The following MTF2 variants were observed in gnomAD, a reference collection of about 807,000 sequenced individuals.
MTF2 encodes the protein metal response element binding transcription factor 2.
MTF2 carries 11 observed loss-of-function variants against 79.5 expected under a neutral mutation model. The ratio of observed to expected loss-of-function variants is 0.14; its 90% CI spans 0.09 to 0.23. The LOEUF (loss-of-function observed/expected upper bound fraction) is 0.23, where lower values mean the gene tolerates loss of function less well. MTF2 is among the 10% of genes least tolerant of loss of function. The probability of loss-of-function intolerance (pLI) is 1.00; values close to 1 mark genes in which losing one functional copy is unlikely to be tolerated. For missense variants in MTF2, 486 were observed against 711.2 expected (o/e 0.68, Z 3.60); for synonymous variants, 208 against 232.8 (o/e 0.89, Z 0.97).
At chr1:93,101,315 C>G (rs1655518172) in intron 1 of MTF2, among the ~76,000 whole-genome samples, 1 of 151,536 alleles carries the variant, frequency 6.6e-6, no homozygotes, top group African/African-American at 2.4e-5. Flanking sequence ...GCCCTCTCTC[C>G]CAATCTTTTT....
intron 1 of MTF2, among the ~76,000 whole-genome samples, chr1:93,089,476 T>G (rs1027646341): frequency 1.3e-5 from 2 of 152,212 alleles, no homozygotes; most frequent in African/African-American, 4.8e-5. Context: ...CTTTCAATTG[T>G]AATTCAAAAT....
At chr1:93,113,036 C>A (rs974984381) in intron 3 of MTF2, among the ~76,000 whole-genome samples, 1 of 152,024 alleles carries the variant, frequency 6.6e-6, no homozygotes, top group South Asian at 2.1e-4. Context: ...CTCTCATGAT[C>A]GGAACCATAA....
rs529598155 is a variant in MTF2 at position 93,096,673 on chromosome 1, A to G, written c.6-13557A>G. Among the ~76,000 whole-genome samples the G allele has an allele frequency of 3.3e-5, 5 of 151,182 alleles. No individual in the cohort carries two copies. The South Asian group carries it at 8.3e-4, about 25-fold the overall frequency. ...ATGTATTTCGAGACGTATCTCTCCAACTACTGCTTTAGCTGCATCCCACAA... is the reference window on the plus strand; with the variant it reads ...ATGTATTTCGAGACGTATCTCTCCAGCTACTGCTTTAGCTGCATCCCACAA... On this transcript the variant is annotated intron_variant, in intron 1 of 14. Transcript: ENST00000370298.
At chr1:93,127,846 A>G (rs1350857777) in intron 10 of MTF2, among the ~76,000 whole-genome samples, 1 of 151,490 alleles carries the variant, frequency 6.6e-6, no homozygotes, top group African/African-American at 2.4e-5. Flanking sequence ...TCACCACTAT[A>G]CTAACAAGGA....
intron 6 of MTF2, 84 bp from the exon 7 acceptor site, chr1:93,118,261 C>CTTTT (rs34049352): frequency 1.3e-4 from 64 of 505,392 alleles, no homozygotes; most frequent in African/African-American, 2.0e-4. Flanking sequence ...GATTAGGCCA[C>CTTTT]TTTTTTTTTT....
intron 9 of MTF2, among the ~76,000 whole-genome samples, chr1:93,124,545 A>G (rs538915646): frequency 3.9e-5 from 6 of 152,026 alleles, no homozygotes; most frequent in Admixed American, 1.3e-4. Flanking sequence ...GTAGGGAGAA[A>G]AGCAAAGATG....
chr1:93,127,506 G>C (rs1161172180), intron 10 of MTF2, among the ~76,000 whole-genome samples: 1 of 152,178 alleles, frequency 6.6e-6, no homozygotes, highest in Non-Finnish European at 1.5e-5. Context: ...CCTGGGAATG[G>C]TGGGTGGGAG....
At chr1:93,095,661 T>A (rs1655258584) in intron 1 of MTF2, among the ~76,000 whole-genome samples, 1 of 149,584 alleles carries the variant, frequency 6.7e-6, no homozygotes, top group African/African-American at 2.5e-5. Context: ...TGTTCTTTTT[T>A]TTTTTTTTTT....
At chr1:93,090,563 A>T (rs977027339) in intron 1 of MTF2, among the ~76,000 whole-genome samples, 2 of 151,954 alleles carry the variant, frequency 1.3e-5, no homozygotes, top group African/African-American at 4.8e-5. Flanking sequence ...TACTTTTAAT[A>T]TATCTTTTAC....
intron 11 of MTF2, among the ~76,000 whole-genome samples, chr1:93,130,492 G>A (rs1433967992): frequency 5.3e-5 from 8 of 152,076 alleles, no homozygotes; most frequent in Non-Finnish European, 7.4e-5. Flanking sequence ...CAGGAGAATC[G>A]CTTGAATCCA....
At chr1:93,097,665 T>G (rs549466544) in intron 1 of MTF2, among the ~76,000 whole-genome samples, 17 of 152,224 alleles carry the variant, frequency 1.1e-4, no homozygotes, top group Admixed American at 1.0e-3. Context: ...CGGTGCGATC[T>G]CAGCTCACTG....
In MTF2 at chr1:93,138,159, A is replaced by G. The variant is rs1647474925; in HGVS notation, c.*1132A>G. On this transcript the variant is annotated 3_prime_UTR_variant, in exon 15 of 15. Coordinates refer to ENST00000370298, the MANE Select transcript of MTF2 (RefSeq NM_007358.4). ...GAGGCTACTGCTGTTTTATTACAAC[A>G]TTACCTCTTGTTTTTATAAAGTGTA... 6.6e-6 allele frequency: 1 copy of G among 152,156 alleles called. No homozygotes were observed. The highest frequency in any genetic ancestry group is 6.5e-5 in the Admixed American group (1 of 15,274). The allele number at this position is 152,156 out of a possible 1,614,324, so 9.4% of individuals were successfully genotyped here.
intron 14 of MTF2, among the ~76,000 whole-genome samples, chr1:93,135,804 T>A (rs1469087221): frequency 6.6e-6 from 1 of 152,192 alleles, no homozygotes; most frequent in Non-Finnish European, 1.5e-5. Flanking sequence ...GAGTGAGACC[T>A]TGTCTCAAAC....
chr1:93,118,261 C>CTTTTTTT, intron 6 of MTF2, 84 bp from the exon 7 acceptor site: 3 of 505,104 alleles, frequency 5.9e-6, no homozygotes, highest in Admixed American at 4.5e-5. Flanking sequence ...GATTAGGCCA[C>CTTTTTTT]TTTTTTTTTT....
intron 14 of MTF2, among the ~76,000 whole-genome samples, chr1:93,134,656 C>CT (rs1647303804): frequency 6.6e-6 from 1 of 152,030 alleles, no homozygotes; most frequent in Non-Finnish European, 1.5e-5. Flanking sequence ...TCTCTAGTGG[C>CT]TGGGACTACA....
chr1:93,127,823 C>CTT (rs11376100), intron 10 of MTF2, among the ~76,000 whole-genome samples: 174 of 149,850 alleles, frequency 1.2e-3, no homozygotes, highest in Non-Finnish European at 1.7e-3. Flanking sequence ...CTTATTTTTA[C>CTT]TTTTTTTTTA....
intron 9 of MTF2, among the ~76,000 whole-genome samples, chr1:93,126,378 G>A (rs1295487159): frequency 6.6e-6 from 1 of 151,818 alleles, no homozygotes; most frequent in Admixed American, 6.6e-5. Context: ...TGGCAGATTT[G>A]TTTTCTCTCT....
intron 8 of MTF2, chr1:93,119,804 A>G (rs1167965245): frequency 6.3e-6 from 1 of 158,014 alleles, no homozygotes; most frequent in Non-Finnish European, 1.4e-5. Context: ...AAATGCTTAC[A>G]GTAAGTACTT....
At chr1:93,113,821 T>A (rs1205726951) in intron 3 of MTF2, among the ~76,000 whole-genome samples, 2 of 152,126 alleles carry the variant, frequency 1.3e-5, no homozygotes, top group Non-Finnish European at 2.9e-5. Flanking sequence ...AGTTGTAGAA[T>A]TAAACAAAAT....
Sources: allele counts gnomAD v4.1 joint callset (sites outside exome capture counted in the v4.1 genomes callset), GRCh38; gene constraint gnomAD v4.1.1; transcripts MANE v1.5; gene names NCBI Gene and HGNC (gene_info 2026-07-23, HGNC 2026-07-21).